Variants in TAFA4 observed in about 807,000 individuals in gnomAD.
TAFA4 encodes chemokine-like protein TAFA-4.
Under a neutral mutation model 21.1 loss-of-function variants are expected in TAFA4, and 20 were observed. The ratio of observed to expected loss-of-function variants is 0.95; its 90% confidence interval spans 0.67 to 1.38. The LOEUF (loss-of-function observed/expected upper bound fraction) is 1.38. TAFA4 is among the 40% of genes most tolerant of loss of function. The pLI is 0.00. For missense variants in TAFA4, 211 were observed against 180.9 expected, an observed-to-expected ratio of 1.17 and a Z score of -0.95; for synonymous variants, 71 against 67.4, an observed-to-expected ratio of 1.05 and a Z score of -0.26.
At chr3:68,744,741 A>G (rs1702423148) in intron 4 of TAFA4, among the ~76,000 whole-genome samples, 1 of 152,150 alleles carries the variant, frequency 6.6e-6, no homozygotes, top group African/African-American at 2.4e-5. Context: ...ATCAGCATTT[A>G]CCTAGTGTTT....
At chr3:68,892,029 A>T (rs370870942) in intron 1 of TAFA4, among the ~76,000 whole-genome samples, 3 of 152,080 alleles carry the variant, frequency 2.0e-5, no homozygotes, top group East Asian at 1.9e-4. Flanking sequence ...TGCTGATGAA[A>T]GTAAATGTGC....
At position 68,789,531 on chromosome 3, in the gene TAFA4, T is replaced by C. The variant is rs9844400; in HGVS notation, c.131-36513A>G. 5.1e-3 allele frequency among the ~76,000 whole-genome samples: 776 copies of C among 152,316 alleles called. 6 individuals are homozygous for C. Among genetic ancestry groups the C allele is most frequent in the African/African-American group, 0.018 (730 of 41,564 alleles). On this transcript the variant is annotated intron_variant, in intron 3 of 5. Coordinates refer to ENST00000295569, the MANE Select transcript of TAFA4 (RefSeq NM_182522.5). Reference sequence around the variant, plus strand: ...ATATCAAAATATCACATTAGACACCTTAAATATATGTAATTTTTATTTGTC... The same window carrying C: ...ATATCAAAATATCACATTAGACACCCTAAATATATGTAATTTTTATTTGTC...
intron 1 of TAFA4, among the ~76,000 whole-genome samples, chr3:68,930,935 G>C (rs958647683): frequency 1.3e-5 from 2 of 152,058 alleles, no homozygotes; most frequent in African/African-American, 4.8e-5. Flanking sequence ...AAAATCCAAG[G>C]CCTTCCTGAA....
intron 4 of TAFA4, among the ~76,000 whole-genome samples, chr3:68,749,147 C>T (rs2106746917): frequency 6.6e-6 from 1 of 152,286 alleles, no homozygotes; most frequent in African/African-American, 2.4e-5. Flanking sequence ...ACTTCAATAA[C>T]TCAGGGGAGG....
chr3:68,806,070 T>C (rs1314260422), intron 3 of TAFA4, among the ~76,000 whole-genome samples: 1 of 152,142 alleles, frequency 6.6e-6, no homozygotes, highest in Non-Finnish European at 1.5e-5. Context: ...AAGGTGGGTC[T>C]TGAATTTGTG....
intron 3 of TAFA4, among the ~76,000 whole-genome samples, chr3:68,766,204 A>G (rs772998561): frequency 6.6e-6 from 1 of 152,148 alleles, no homozygotes; most frequent in Non-Finnish European, 1.5e-5. Flanking sequence ...CCTAAAGTTT[A>G]TATGTACTTC....
chr3:68,807,069 A>T (rs537929832), intron 3 of TAFA4, among the ~76,000 whole-genome samples: 1 of 152,338 alleles, frequency 6.6e-6, no homozygotes, highest in Non-Finnish European at 1.5e-5. Context: ...AGACATGTCC[A>T]GCATGAAGCA....
chr3:68,833,857 A>G (rs1704458491), intron 3 of TAFA4, among the ~76,000 whole-genome samples: 1 of 152,084 alleles, frequency 6.6e-6, no homozygotes, highest in Non-Finnish European at 1.5e-5. Context: ...TGCTCTTACC[A>G]CTCCAAGTTA....
intron 3 of TAFA4, among the ~76,000 whole-genome samples, chr3:68,758,877 G>A (rs1702709101): frequency 6.6e-6 from 1 of 152,182 alleles, no homozygotes; most frequent in Admixed American, 6.5e-5. Context: ...GGACCAACTG[G>A]ATGTATACAT....
intron 3 of TAFA4, among the ~76,000 whole-genome samples, chr3:68,841,524 A>C (rs1380220142): frequency 6.6e-6 from 1 of 151,878 alleles, no homozygotes; most frequent in Non-Finnish European, 1.5e-5. Context: ...CCTCCAGTTG[A>C]TTTACTAGAG....
At chr3:68,931,335 A>AC (rs1194943975) in intron 1 of TAFA4, among the ~76,000 whole-genome samples, 1 of 151,888 alleles carries the variant, frequency 6.6e-6, no homozygotes, top group East Asian at 1.9e-4. Context: ...GAGTCCGTGA[A>AC]CCCGTGCATG....
intron 4 of TAFA4, among the ~76,000 whole-genome samples, chr3:68,747,379 G>C (rs1299452580): frequency 6.6e-6 from 1 of 151,978 alleles, no homozygotes; most frequent in African/African-American, 2.4e-5. Context: ...GAATCATGGG[G>C]GTGGGTTTTT....
At position 68,919,482 on chromosome 3, in the gene TAFA4, A is replaced by G. The variant is rs560129057; in HGVS notation, c.-123+12758T>C. 2.6e-5 allele frequency among the ~76,000 whole-genome samples: 4 copies of G among 152,352 alleles called. No homozygotes were observed. In the South Asian group the frequency reaches 8.3e-4, roughly 32 times the overall value. On this transcript the variant is annotated intron_variant, in intron 1 of 5. Coordinates refer to ENST00000295569, the MANE Select transcript of TAFA4 (RefSeq NM_182522.5). ...AAACTTTTTGGGACTGTAGTAAATT[A>G]CAATGGCCTTACCTTTTATGATGAT...
chr3:68,741,127 G>A (rs184736323), intron 4 of TAFA4, among the ~76,000 whole-genome samples: 1 of 152,262 alleles, frequency 6.6e-6, no homozygotes, highest in Admixed American at 6.5e-5. Flanking sequence ...TAGCTATTTG[G>A]GGTCTTTTGT....
At chr3:68,926,952 G>A (rs2090112777) in intron 1 of TAFA4, among the ~76,000 whole-genome samples, 1 of 152,052 alleles carries the variant, frequency 6.6e-6, no homozygotes, top group African/African-American at 2.4e-5. Context: ...TTTGCTGTGG[G>A]AGCTGCCCTG....
intron 3 of TAFA4, among the ~76,000 whole-genome samples, chr3:68,783,709 A>AGAGAGAG (rs1559519717): frequency 2.8e-5 from 2 of 71,540 alleles, no homozygotes; most frequent in African/African-American, 6.3e-5. Flanking sequence ...GAGAGAGAGA[A>AGAGAGAG]AGAAAAAGAA....
At chr3:68,867,314 G>A (rs935413607) in intron 3 of TAFA4, among the ~76,000 whole-genome samples, 7 of 151,976 alleles carry the variant, frequency 4.6e-5, no homozygotes, top group Non-Finnish European at 8.8e-5. Context: ...CATAAGCCAA[G>A]AATACTGCAC....
chr3:68,872,733 C>T (rs1439108577), intron 3 of TAFA4, among the ~76,000 whole-genome samples: 6 of 151,976 alleles, frequency 3.9e-5, no homozygotes, highest in Admixed American at 1.3e-4. Context: ...GACATAATAC[C>T]AAGCTCTTTA....
intron 3 of TAFA4, among the ~76,000 whole-genome samples, chr3:68,838,045 T>C (rs531116896): frequency 6.6e-6 from 1 of 152,136 alleles, no homozygotes; most frequent in Non-Finnish European, 1.5e-5. Context: ...TCTCAGCAAT[T>C]TTCAAGTATA....
Sources: allele counts gnomAD v4.1 joint callset (sites outside exome capture counted in the v4.1 genomes callset), GRCh38; gene constraint gnomAD v4.1.1; transcripts MANE v1.5; gene names NCBI Gene and HGNC (gene_info 2026-07-23, HGNC 2026-07-21).